The following MACROD2 variants were observed in gnomAD, a reference collection of about 807,000 sequenced individuals.
The protein encoded by MACROD2 is ADP-ribose glycohydrolase MACROD2.
In MACROD2, 36 loss-of-function variants were observed where a neutral mutation model predicts 70.4. The ratio of observed to expected loss-of-function variants is 0.51; its 90% CI spans 0.39 to 0.68. The LOEUF (loss-of-function observed/expected upper bound fraction) is 0.68. MACROD2 is among the 30% of genes least tolerant of loss of function. The pLI is 0.00. For missense variants in MACROD2, 496 were observed against 538.4 expected (o/e 0.92, Z 0.78); for synonymous variants, 172 against 178.8 (o/e 0.96, Z 0.30).
intron 3 of MACROD2, among the ~76,000 whole-genome samples, chr20:14,429,304 T>C (rs2083968970): frequency 1.3e-5 from 2 of 152,184 alleles, no homozygotes; most frequent in South Asian, 4.1e-4. Flanking sequence ...GGCCTTTAAA[T>C]GTCCACAGTG....
intron 8 of MACROD2, among the ~76,000 whole-genome samples, chr20:15,640,202 G>A (rs1424954293): frequency 1.3e-5 from 2 of 152,094 alleles, no homozygotes; most frequent in Admixed American, 6.6e-5. Flanking sequence ...GAAAAAGATG[G>A]TGAGGGAGAA....
intron 9 of MACROD2, among the ~76,000 whole-genome samples, chr20:15,871,949 G>A (rs1270544903): frequency 6.6e-6 from 1 of 152,106 alleles, no homozygotes. Flanking sequence ...CCCATGCCAT[G>A]GATTCATCAT....
intron 5 of MACROD2, among the ~76,000 whole-genome samples, chr20:14,694,270 T>C (rs530588938): frequency 1.2e-3 from 185 of 152,356 alleles, no homozygotes; most frequent in African/African-American, 4.4e-3. Context: ...AAGGGAATGC[T>C]GCTTCTGATA....
intron 5 of MACROD2, among the ~76,000 whole-genome samples, chr20:14,849,266 C>A (rs909372567): frequency 4.6e-5 from 7 of 152,182 alleles, no homozygotes; most frequent in Non-Finnish European, 1.0e-4. Context: ...GCTAATCATG[C>A]TTGTCATCTA....
intron 8 of MACROD2, among the ~76,000 whole-genome samples, chr20:15,585,510 T>C (rs1272421286): frequency 6.6e-6 from 1 of 152,136 alleles, no homozygotes; most frequent in Non-Finnish European, 1.5e-5. Context: ...GCGTCCTTTT[T>C]ACCAAGTGCA....
chr20:14,394,866 A>T (rs1008939150), intron 3 of MACROD2, among the ~76,000 whole-genome samples: 4 of 152,124 alleles, frequency 2.6e-5, no homozygotes, highest in Non-Finnish European at 4.4e-5. Context: ...GTATTTTCTT[A>T]TTTGTCCTGT....
intron 8 of MACROD2, among the ~76,000 whole-genome samples, chr20:15,609,000 G>A (rs989655213): frequency 6.6e-6 from 1 of 151,790 alleles, no homozygotes; most frequent in African/African-American, 2.4e-5. Context: ...TTTTGTTTCT[G>A]CCTCTACCCA....
intron 5 of MACROD2, among the ~76,000 whole-genome samples, chr20:14,964,589 TAAAA>T (rs370363407): frequency 6.8e-6 from 1 of 147,026 alleles, no homozygotes; most frequent in Non-Finnish European, 1.5e-5. Flanking sequence ...ATAAAAAAAA[TAAAA>T]AAAAAATAAA....
At chr20:15,631,060 A>T (rs561804369) in intron 8 of MACROD2, among the ~76,000 whole-genome samples, 2 of 152,354 alleles carry the variant, frequency 1.3e-5, no homozygotes, top group South Asian at 4.1e-4. Flanking sequence ...ACTAAAAATT[A>T]GTTTGTTTTG....
chr20:15,444,622 C>T (rs1203109248), intron 7 of MACROD2, among the ~76,000 whole-genome samples: 1 of 152,072 alleles, frequency 6.6e-6, no homozygotes, highest in Non-Finnish European at 1.5e-5. Flanking sequence ...TACCAAAGAA[C>T]ATCGTGGAAG....
intron 15 of MACROD2, among the ~76,000 whole-genome samples, chr20:16,004,266 A>C (rs576443379): frequency 6.6e-6 from 1 of 152,262 alleles, no homozygotes; most frequent in African/African-American, 2.4e-5. Flanking sequence ...TCATTGCACA[A>C]CACATTTCTC....
At chr20:14,633,349 A>G (rs1389577982) in intron 4 of MACROD2, among the ~76,000 whole-genome samples, 1 of 152,170 alleles carries the variant, frequency 6.6e-6, no homozygotes, top group Non-Finnish European at 1.5e-5. Context: ...TTGCAGGGGT[A>G]TCTTTGGGGG....
chr20:14,806,401 T>A (rs1403563860), intron 5 of MACROD2, among the ~76,000 whole-genome samples: 2 of 152,026 alleles, frequency 1.3e-5, no homozygotes, highest in Admixed American at 1.3e-4. Flanking sequence ...GACGGTGCTA[T>A]CCAGCCCAGA....
intron 5 of MACROD2, chr20:14,893,647 A>G (rs2073791429): frequency 6.6e-6 from 1 of 152,134 alleles, no homozygotes; most frequent in Admixed American, 6.6e-5. Flanking sequence ...AATATTTTTA[A>G]TACTTGGTTA....
At chr20:16,017,050 C>A (rs1601328634) in intron 15 of MACROD2, among the ~76,000 whole-genome samples, 1 of 152,176 alleles carries the variant, frequency 6.6e-6, no homozygotes, top group Non-Finnish European at 1.5e-5. Flanking sequence ...TCTGTAACTT[C>A]TTGTATTTTA....
At chr20:15,644,981 G>A (rs1332851276) in intron 8 of MACROD2, among the ~76,000 whole-genome samples, 2 of 152,240 alleles carry the variant, frequency 1.3e-5, no homozygotes, top group African/African-American at 2.4e-5. Context: ...GAGCTACCAC[G>A]CCCAGCCTAA....
intron 8 of MACROD2, among the ~76,000 whole-genome samples, chr20:15,513,356 T>A (rs1399891712): frequency 1.3e-5 from 2 of 152,226 alleles, no homozygotes; most frequent in Non-Finnish European, 2.9e-5. Context: ...CTGAAATGTA[T>A]TATTAGACTT....
intron 5 of MACROD2, among the ~76,000 whole-genome samples, chr20:14,690,261 A>G (rs909937270): frequency 2.0e-5 from 3 of 152,044 alleles, no homozygotes; most frequent in African/African-American, 7.2e-5. Flanking sequence ...TGTTTCTTTT[A>G]TTTCTTCTAT....
intron 3 of MACROD2, among the ~76,000 whole-genome samples, chr20:14,388,293 T>C (rs2083489825): frequency 6.6e-6 from 1 of 152,156 alleles, no homozygotes; most frequent in African/African-American, 2.4e-5. Context: ...ATTACAGGTG[T>C]GAGCCACTGT....
Sources: gnomAD v4.1 joint callset for allele counts (sites outside exome capture counted in the v4.1 genomes callset) on GRCh38, gnomAD v4.1.1 for gene constraint, MANE v1.5 for transcripts, NCBI Gene and HGNC (gene_info 2026-07-23, HGNC 2026-07-21) for gene names.